HS6ST2: variants seen among roughly 807,000 people sequenced by gnomAD.
HS6ST2 encodes heparan-sulfate 6-O-sulfotransferase 2.
In HS6ST2, 17 loss-of-function variants were observed where a neutral mutation model predicts 33.0. The observed-to-expected ratio is 0.52, with a 90% CI of 0.35 to 0.77. The LOEUF is 0.77. Ranked by LOEUF, HS6ST2 falls within the 30% of genes least tolerant of loss-of-function variation. The pLI, the probability that HS6ST2 is intolerant of heterozygous loss-of-function variation, is 0.01. For missense variants in HS6ST2, 519 were observed against 551.7 expected (o/e 0.94, Z 0.59); for synonymous variants, 248 against 237.1 (o/e 1.05, Z -0.42).
intron 2 of HS6ST2, among the ~76,000 whole-genome samples, chrX:132,888,255 G>A (rs1219344456): frequency 1.8e-5 from 2 of 110,980 alleles, no homozygotes; most frequent in Non-Finnish European, 3.8e-5. Flanking sequence ...AGTTCCACAT[G>A]GCTGGGGAGG....
At chrX:132,663,366 G>A (rs1314312486) in intron 4 of HS6ST2, among the ~76,000 whole-genome samples, 2 of 111,742 alleles carry the variant, frequency 1.8e-5, no homozygotes, top group Non-Finnish European at 3.8e-5. Context: ...GGAATTTTTT[G>A]TTGTGATCAA....
rs138900909 is a variant in HS6ST2 at position 132,708,162 on chromosome X, G to A, written c.980+300C>T. Among the ~76,000 whole-genome samples, 43 of 107,307 alleles carry A rather than the reference G, an allele frequency of 4.0e-4. 1 individual carries two copies. The highest frequency in any genetic ancestry group is 1.3e-3 in the African/African-American group (39 of 29,394). 93.2% of individuals were successfully genotyped at this position (107,307 alleles called of 115,157 possible). On this transcript the variant is annotated intron_variant, in intron 3 of 4. Transcript: ENST00000370833. ...CACTCTACTGTGTCATCCTATTTCA[G>A]CAAAAAGAGGAAAAAGAGCTAATGA...
At chrX:132,824,622 A>G (rs908646554) in intron 2 of HS6ST2, among the ~76,000 whole-genome samples, 2 of 112,365 alleles carry the variant, frequency 1.8e-5, no homozygotes, top group Non-Finnish European at 3.8e-5. Flanking sequence ...CCTCTATTCT[A>G]TGGTTACTCT....
intron 4 of HS6ST2, among the ~76,000 whole-genome samples, chrX:132,660,065 T>TCCCCTG (rs1410883815): frequency 9.0e-6 from 1 of 111,297 alleles, no homozygotes; most frequent in Non-Finnish European, 1.9e-5. Context: ...CTTATACCTC[T>TCCCCTG]CCCCTGCTTT....
chrX:132,683,500 G>A (rs886534150), intron 3 of HS6ST2, among the ~76,000 whole-genome samples: 7 of 111,872 alleles, frequency 6.3e-5, no homozygotes, highest in Non-Finnish European at 1.3e-4. Context: ...AACAATCCTA[G>A]CACCCGTAAT....
chrX:132,645,847 C>T (rs775373245), intron 4 of HS6ST2, among the ~76,000 whole-genome samples: 4 of 112,286 alleles, frequency 3.6e-5, no homozygotes, highest in Non-Finnish European at 7.5e-5. Context: ...CCCTCTTTCT[C>T]TTCTACTTCT....
At chrX:132,911,679 T>C (rs1220066828) in intron 2 of HS6ST2, among the ~76,000 whole-genome samples, 1 of 9,953 alleles carries the variant, frequency 1.0e-4, no homozygotes, top group African/African-American at 4.0e-4. Context: ...CGCTCTGTTG[T>C]CCAGGCTGGA....
Position 132,904,533 on chromosome X carries a change from TTG to T in HS6ST2, c.947+52273_947+52274del, listed in dbSNP as rs58820779. Among the ~76,000 whole-genome samples, 405 of 94,320 alleles carry T rather than the reference TTG, an allele frequency of 4.3e-3. 3 individuals are homozygous for T. The highest frequency in any genetic ancestry group is 5.0e-3 in the Non-Finnish European group (236 of 47,598). The allele number at this position is 94,320 out of a possible 115,157, so 81.9% of individuals were successfully genotyped here. A position where few individuals can be genotyped will look rare whatever the true frequency, so the allele number is the denominator to read the frequency against. ...CTTTTTTATTTTCTTTTTTTTCTCT[TTG>T]TGTGTGTGTGTGTGTGTGTGTGTGT... On this transcript the variant is annotated intron_variant, in intron 2 of 4. Coordinates refer to ENST00000370833, the MANE Select transcript of HS6ST2 (RefSeq NM_001394073.1).
intron 2 of HS6ST2, among the ~76,000 whole-genome samples, chrX:132,728,700 G>T (rs2064422878): frequency 8.9e-6 from 1 of 112,402 alleles, no homozygotes; most frequent in Non-Finnish European, 1.9e-5. Context: ...AGGGAAAGAA[G>T]AGCACGGCCT....
At chrX:132,693,532 T>C (rs2064082553) in intron 3 of HS6ST2, among the ~76,000 whole-genome samples, 1 of 111,505 alleles carries the variant, frequency 9.0e-6, no homozygotes, top group African/African-American at 3.3e-5. Flanking sequence ...AGTGGTGTTT[T>C]GAACTCCAGT....
At chrX:132,747,157 G>T (rs1482130007) in intron 2 of HS6ST2, among the ~76,000 whole-genome samples, 1 of 111,718 alleles carries the variant, frequency 9.0e-6, no homozygotes, top group African/African-American at 3.3e-5. Context: ...GTGAGGAGGG[G>T]TTGTGCAACT....
chrX:132,841,033 C>T (rs1239057915), intron 2 of HS6ST2, among the ~76,000 whole-genome samples: 1 of 111,868 alleles, frequency 8.9e-6, no homozygotes, highest in African/African-American at 3.2e-5. Context: ...TGAGAAAGCC[C>T]TAACAGAGGA....
chrX:132,819,877 A>G (rs2065434807), intron 2 of HS6ST2, among the ~76,000 whole-genome samples: 1 of 112,528 alleles, frequency 8.9e-6, no homozygotes, highest in Admixed American at 9.4e-5. Context: ...GATAGAGCCC[A>G]CCCAGTAGCT....
At chrX:132,873,606 GCT>G (rs1169967793) in intron 2 of HS6ST2, among the ~76,000 whole-genome samples, 3 of 111,815 alleles carry the variant, frequency 2.7e-5, no homozygotes, top group African/African-American at 9.8e-5. Flanking sequence ...CTCTTAGGAA[GCT>G]CATAGTTTGG....
chrX:132,790,455 CT>C (rs1288169147), intron 2 of HS6ST2, among the ~76,000 whole-genome samples: 1 of 112,003 alleles, frequency 8.9e-6, no homozygotes, highest in African/African-American at 3.2e-5. Flanking sequence ...ATGTGACTCA[CT>C]GTTTTGCAAT....
chrX:132,832,493 C>G, intron 2 of HS6ST2, among the ~76,000 whole-genome samples: 1 of 111,786 alleles, frequency 8.9e-6, no homozygotes, highest in Non-Finnish European at 1.9e-5. Context: ...ATACTCTATG[C>G]TACATTTTCA....
At position 132,684,422 on chromosome X, in the gene HS6ST2, T is replaced by C. The variant is rs148775959; in HGVS notation, c.981-15223A>G. Among the ~76,000 whole-genome samples, 1,090 of 109,211 alleles carry C rather than the reference T, an allele frequency of 1.0e-2. 6 individuals are homozygous for C. Among genetic ancestry groups the C allele is most frequent in the African/African-American group, 0.035 (1,038 of 29,933 alleles). The allele number at this position is 109,211 out of a possible 115,157, so 94.8% of individuals were successfully genotyped here. A position where few individuals can be genotyped will look rare whatever the true frequency, so the allele number is the denominator to read the frequency against. On this transcript the variant is annotated intron_variant, in intron 3 of 4. Coordinates refer to ENST00000370833, the MANE Select transcript of HS6ST2 (RefSeq NM_001394073.1). ...ATTTACTCATGTCCATTTCTTTTAATAGCAGCTGGGGATACCACATTGGAA... is the reference window on the plus strand; with the variant it reads ...ATTTACTCATGTCCATTTCTTTTAACAGCAGCTGGGGATACCACATTGGAA...
chrX:132,814,095 C>G (rs890107314), intron 2 of HS6ST2, among the ~76,000 whole-genome samples: 1 of 110,989 alleles, frequency 9.0e-6, no homozygotes, highest in Admixed American at 9.6e-5. Flanking sequence ...AGGCACCCAC[C>G]ACCACGCCCG....
intron 2 of HS6ST2, among the ~76,000 whole-genome samples, chrX:132,787,167 G>GTATA (rs751338482): frequency 8.2e-4 from 42 of 51,350 alleles, no homozygotes; most frequent in African/African-American, 3.4e-3. Flanking sequence ...ATATATATAT[G>GTATA]TATATATATA....
Sources: gnomAD v4.1 joint callset for allele counts (sites outside exome capture counted in the v4.1 genomes callset) on GRCh38, gnomAD v4.1.1 for gene constraint, MANE v1.5 for transcripts, NCBI Gene and HGNC (gene_info 2026-07-23, HGNC 2026-07-21) for gene names.